The following SPATA13 variants were observed in gnomAD, a reference collection of about 807,000 sequenced individuals.
The protein encoded by SPATA13 is spermatogenesis-associated protein 13.
In SPATA13, 50 loss-of-function variants were observed where a neutral mutation model predicts 104.0. The ratio of observed to expected loss-of-function variants is 0.48; its 90% CI spans 0.38 to 0.61. The LOEUF (loss-of-function observed/expected upper bound fraction) is 0.61, where lower values mean the gene tolerates loss of function less well. Ranked by LOEUF, SPATA13 falls within the 20% of genes least tolerant of loss-of-function variation. SPATA13 has a pLI of 0.00. For synonymous variants in SPATA13, 606 were observed against 667.5 expected, an observed-to-expected ratio of 0.91 and a Z score of 1.42; for missense variants, 1,524 against 1,690.6, an observed-to-expected ratio of 0.90 and a Z score of 1.73.
At chr13:24,263,037 G>A (rs7338807) in intron 4 of SPATA13, among the ~76,000 whole-genome samples, 138,649 of 152,218 alleles carry the variant, frequency 0.91, 63,359 homozygotes, top group East Asian at 1. Context: ...ATGATTTTTC[G>A]TTGTATCACC....
At chr13:24,148,308 A>G (rs1881996172) in intron 3 of SPATA13, among the ~76,000 whole-genome samples, 1 of 151,994 alleles carries the variant, frequency 6.6e-6, no homozygotes, top group Admixed American at 6.6e-5. Flanking sequence ...TCCTACTTTC[A>G]TGAGCCCCGT....
chr13:24,026,791 A>G (rs1877236306), intron 3 of SPATA13, among the ~76,000 whole-genome samples: 1 of 151,920 alleles, frequency 6.6e-6, no homozygotes, highest in Admixed American at 6.6e-5. Flanking sequence ...GTTAGCCAGG[A>G]TGGTCTGGAT....
chr13:24,058,129 T>A (rs1878634324), intron 3 of SPATA13, among the ~76,000 whole-genome samples: 1 of 151,882 alleles, frequency 6.6e-6, no homozygotes, highest in Non-Finnish European at 1.5e-5. Flanking sequence ...TATTTACCTT[T>A]ACATAATTAT....
intron 2 of SPATA13, among the ~76,000 whole-genome samples, chr13:23,985,871 G>T (rs867538429): frequency 6.6e-6 from 1 of 152,198 alleles, no homozygotes; most frequent in African/African-American, 2.4e-5. Context: ...AACAGCCAGC[G>T]GTCCATACGC....
intron 2 of SPATA13, among the ~76,000 whole-genome samples, chr13:23,992,319 G>A (rs980325694): frequency 2.6e-5 from 4 of 152,188 alleles, no homozygotes; most frequent in Non-Finnish European, 5.9e-5. Flanking sequence ...GGTATATAAG[G>A]TTGTTGTGAA....
intron 1 of SPATA13, among the ~76,000 whole-genome samples, chr13:24,180,783 C>G (rs1463266747): frequency 6.6e-6 from 1 of 152,070 alleles, no homozygotes; most frequent in Non-Finnish European, 1.5e-5. Context: ...TTATTGATTG[C>G]AAGTCTATAG....
At chr13:24,020,722 G>C (rs1204486304) in intron 3 of SPATA13, among the ~76,000 whole-genome samples, 1 of 152,092 alleles carries the variant, frequency 6.6e-6, no homozygotes, top group East Asian at 1.9e-4. Context: ...TATTTACAAG[G>C]CACTTTATGC....
At chr13:24,128,970 C>T (rs1881308931) in intron 3 of SPATA13, among the ~76,000 whole-genome samples, 1 of 152,234 alleles carries the variant, frequency 6.6e-6, no homozygotes, top group African/African-American at 2.4e-5. Flanking sequence ...AACAGCCCAT[C>T]TGTGTGACTG....
intron 3 of SPATA13, among the ~76,000 whole-genome samples, chr13:24,125,963 C>T (rs1881200523): frequency 6.6e-6 from 1 of 152,236 alleles, no homozygotes; most frequent in Admixed American, 6.5e-5. Context: ...CTGAGAGCAG[C>T]TGCCTTTGGC....
At chr13:24,084,489 A>G (rs1326990027) in intron 3 of SPATA13, among the ~76,000 whole-genome samples, 1 of 151,870 alleles carries the variant, frequency 6.6e-6, no homozygotes, top group Non-Finnish European at 1.5e-5. Context: ...CCCTCTTAGC[A>G]CCACCTGGGT....
At chr13:24,087,843 A>AGC (rs1879784287) in intron 3 of SPATA13, among the ~76,000 whole-genome samples, 1 of 152,110 alleles carries the variant, frequency 6.6e-6, no homozygotes, top group Admixed American at 6.5e-5. Context: ...GCCTAGGTGG[A>AGC]GCTGCCTGAT....
At chr13:24,079,315 T>C (rs1276695727) in intron 3 of SPATA13, among the ~76,000 whole-genome samples, 1 of 152,184 alleles carries the variant, frequency 6.6e-6, no homozygotes. Flanking sequence ...CCAAGAACAC[T>C]GGGAAACTGT....
intron 3 of SPATA13, among the ~76,000 whole-genome samples, chr13:24,126,067 C>A (rs1881205606): frequency 6.6e-6 from 1 of 152,172 alleles, no homozygotes; most frequent in African/African-American, 2.4e-5. Flanking sequence ...AGTCTTGCAT[C>A]TTCCTTTCTG....
At chr13:24,289,257 T>C in intron 8 of SPATA13, 79 bp downstream of exon 8, 1 of 1,203,464 alleles carries the variant, frequency 8.3e-7, no homozygotes. Flanking sequence ...AACAGGAGTC[T>C]CTTTTGTTTT....
At chr13:24,015,516 A>G (rs1228878272) in intron 2 of SPATA13, among the ~76,000 whole-genome samples, 1 of 152,228 alleles carries the variant, frequency 6.6e-6, no homozygotes, top group African/African-American at 2.4e-5. Context: ...GTAATTTAAT[A>G]AAAAACCTGA....
At chr13:24,248,867 C>T (rs533829332) in intron 2 of SPATA13, among the ~76,000 whole-genome samples, 7 of 150,328 alleles carry the variant, frequency 4.7e-5, no homozygotes, top group African/African-American at 1.2e-4. Flanking sequence ...TACTAATTCA[C>T]GATGGTGCTG....
chr13:24,218,929 C>G lies in SPATA13; in HGVS notation c.-111-3890C>G, dbSNP rs370028431. 2.4e-4 allele frequency among the ~76,000 whole-genome samples: 36 copies of G among 146,960 alleles called. 1 individual carries two copies. In the East Asian group the frequency reaches 6.9e-3, roughly 28 times the overall value. Reference sequence around the variant, plus strand: ...AATTTAAGTTTTTATTTAAAAATTACTGGTCAGAAGCTTTTTTGTTTGTTT... The same window carrying G: ...AATTTAAGTTTTTATTTAAAAATTAGTGGTCAGAAGCTTTTTTGTTTGTTT... On this transcript the variant is annotated intron_variant, in intron 1 of 12. Transcript: ENST00000382108.
At chr13:24,218,285 G>T (rs1180081945) in intron 1 of SPATA13, among the ~76,000 whole-genome samples, 1 of 152,194 alleles carries the variant, frequency 6.6e-6, no homozygotes, top group Admixed American at 6.5e-5. Context: ...ACAAAGGGCT[G>T]GTGGGCATGC....
At chr13:23,986,771 C>G (rs546237067) in intron 2 of SPATA13, among the ~76,000 whole-genome samples, 28 of 152,162 alleles carry the variant, frequency 1.8e-4, no homozygotes, top group Non-Finnish European at 4.0e-4. Context: ...GCATCGGGGC[C>G]ATACAGCAGT....
Sources: gnomAD v4.1 joint callset for allele counts (sites outside exome capture counted in the v4.1 genomes callset) on GRCh38, gnomAD v4.1.1 for gene constraint, MANE v1.5 for transcripts, NCBI Gene and HGNC (gene_info 2026-07-23, HGNC 2026-07-21) for gene names.